TENM4: variants seen among roughly 807,000 people sequenced by gnomAD.
TENM4 encodes the protein teneurin-4.
Under a neutral mutation model 243.3 loss-of-function variants are expected in TENM4, and 82 were observed. The observed-to-expected ratio is 0.34, with a 90% CI of 0.28 to 0.40. The LOEUF is 0.40. Ranked by LOEUF, TENM4 falls within the 10% of genes least tolerant of loss-of-function variation. The pLI is 1.00. For missense variants in TENM4, 3,138 were observed against 3,673.3 expected (o/e 0.85, Z 3.77); for synonymous variants, 1,412 against 1,456.3 (o/e 0.97, Z 0.69).
At chr11:78,798,850 C>T (rs1857221720) in intron 15 of TENM4, among the ~76,000 whole-genome samples, 1 of 152,082 alleles carries the variant, frequency 6.6e-6, no homozygotes, top group Non-Finnish European at 1.5e-5. Context: ...CTCTCCCATC[C>T]CATTACTGGC....
intron 1 of TENM4, among the ~76,000 whole-genome samples, chr11:79,377,898 C>G (rs1023610728): frequency 1.3e-5 from 2 of 152,210 alleles, no homozygotes; most frequent in Non-Finnish European, 2.9e-5. Context: ...ATATTTTACT[C>G]TGCCAAGGGC....
chr11:78,714,327 G>A (rs560506795), intron 25 of TENM4, among the ~76,000 whole-genome samples: 1 of 150,198 alleles, frequency 6.7e-6, no homozygotes, highest in Non-Finnish European at 1.5e-5. Context: ...GCCCTGGCAG[G>A]TTTGTCATTA....
In TENM4 at chr11:79,112,971, C is replaced by A. The variant is rs117161551; in HGVS notation, c.-66+35739G>T. Among the ~76,000 whole-genome samples the A allele has an allele frequency of 4.6e-5, 7 of 152,228 alleles. No homozygotes were observed. The East Asian group carries it at 1.4e-3, about 29-fold the overall frequency. ...CACTTCCATCAAGCACTAACTTGTC[C>A]TAGGAGGAAGAGACACCAAAATGGG... On this transcript the variant is annotated intron_variant, in intron 4 of 33. Coordinates refer to ENST00000278550, the MANE Select transcript of TENM4 (RefSeq NM_001098816.3).
chr11:78,819,102 T>C (rs1360481444), intron 12 of TENM4, among the ~76,000 whole-genome samples: 1 of 152,098 alleles, frequency 6.6e-6, no homozygotes, highest in Non-Finnish European at 1.5e-5. Context: ...TTGAACAAAA[T>C]GTTGCTTGAA....
At chr11:78,742,847 A>G (rs751579856) in intron 19 of TENM4, among the ~76,000 whole-genome samples, 10 of 152,110 alleles carry the variant, frequency 6.6e-5, no homozygotes, top group African/African-American at 1.4e-4. Context: ...GCCAACCTCA[A>G]CTGTTGCTCA....
At chr11:79,032,157 G>A (rs1382872832) in intron 6 of TENM4, among the ~76,000 whole-genome samples, 1 of 152,170 alleles carries the variant, frequency 6.6e-6, no homozygotes, top group Non-Finnish European at 1.5e-5. Context: ...TTGTACTTTT[G>A]TTCCTTAAAA....
chr11:79,243,776 C>A (rs997347980), intron 2 of TENM4, among the ~76,000 whole-genome samples: 1 of 152,188 alleles, frequency 6.6e-6, no homozygotes, highest in Non-Finnish European at 1.5e-5. Context: ...CTAACCAAGA[C>A]GCTGAGGCTC....
chr11:78,981,224 A>G (rs1343822378), intron 6 of TENM4, among the ~76,000 whole-genome samples: 3 of 152,224 alleles, frequency 2.0e-5, no homozygotes, highest in Non-Finnish European at 4.4e-5. Context: ...TTCAAGTGTC[A>G]TCTATTATTC....
intron 2 of TENM4, among the ~76,000 whole-genome samples, chr11:79,239,047 G>A (rs1407550233): frequency 3.7e-5 from 5 of 135,100 alleles, no homozygotes; most frequent in Admixed American, 7.3e-5. Flanking sequence ...AAACAAACAC[G>A]CAAAAAGAAT....
At chr11:79,117,391 C>T (rs1565210560) in intron 4 of TENM4, among the ~76,000 whole-genome samples, 1 of 152,190 alleles carries the variant, frequency 6.6e-6, no homozygotes, top group Admixed American at 6.5e-5. Context: ...TCATGTCAAA[C>T]AATCCCAGTC....
At chr11:79,352,518 C>T (rs1857430765) in intron 1 of TENM4, among the ~76,000 whole-genome samples, 1 of 152,200 alleles carries the variant, frequency 6.6e-6, no homozygotes, top group African/African-American at 2.4e-5. Context: ...CAGAGAGAGC[C>T]ACGGAGCATG....
intron 2 of TENM4, among the ~76,000 whole-genome samples, chr11:79,233,142 G>T (rs1025422434): frequency 6.6e-6 from 1 of 152,184 alleles, no homozygotes; most frequent in Non-Finnish European, 1.5e-5. Context: ...TGAGTCAGAC[G>T]CCATGCCTTG....
At chr11:78,884,092 G>C (rs982323980) in intron 9 of TENM4, among the ~76,000 whole-genome samples, 1 of 152,148 alleles carries the variant, frequency 6.6e-6, no homozygotes, top group African/African-American at 2.4e-5. Flanking sequence ...GGTACTTCTT[G>C]TAAATTATCT....
Position 79,138,835 on chromosome 11 carries a change from C to G in TENM4, c.-66+9875G>C, listed in dbSNP as rs1333652439. Among the ~76,000 whole-genome samples, 7 of 114,104 alleles carry G rather than the reference C, an allele frequency of 6.1e-5. 1 individual carries two copies. The highest frequency in any genetic ancestry group is 2.5e-4 in the African/African-American group (7 of 28,332). 74.9% of individuals were successfully genotyped at this position (114,104 alleles called of 152,430 possible). A position where few individuals can be genotyped will look rare whatever the true frequency, so the allele number is the denominator to read the frequency against. ...TATTTATATAAATATACAAAACATACATTATATTTATATAAATATACAAAA... is the reference window on the plus strand; with the variant it reads ...TATTTATATAAATATACAAAACATAGATTATATTTATATAAATATACAAAA... On this transcript the variant is annotated intron_variant, in intron 4 of 33. Coordinates refer to ENST00000278550, the MANE Select transcript of TENM4 (RefSeq NM_001098816.3).
intron 32 of TENM4, among the ~76,000 whole-genome samples, chr11:78,662,755 TACTC>T (rs1858061723): frequency 6.6e-6 from 1 of 152,192 alleles, no homozygotes; most frequent in Non-Finnish European, 1.5e-5. Context: ...TCATCTCACA[TACTC>T]ACAACTCTGA....
intron 17 of TENM4, among the ~76,000 whole-genome samples, chr11:78,773,116 T>C (rs1007910559): frequency 6.6e-6 from 1 of 152,214 alleles, no homozygotes; most frequent in Non-Finnish European, 1.5e-5. Context: ...CCGGGACTTG[T>C]TTTCAATTAA....
intron 32 of TENM4, 133 bp downstream of exon 32, chr11:78,668,804 T>C: frequency 2.5e-6 from 3 of 1,177,078 alleles, no homozygotes; most frequent in Non-Finnish European, 3.5e-6. Context: ...AAACGGACTT[T>C]GGAAAATGCT....
chr11:79,345,775 C>A (rs1429218151), intron 1 of TENM4, among the ~76,000 whole-genome samples: 1 of 152,094 alleles, frequency 6.6e-6, no homozygotes, highest in Non-Finnish European at 1.5e-5. Context: ...TGTTATTATA[C>A]CTTACCGATA....
chr11:79,328,702 C>T (rs542666137), intron 1 of TENM4, among the ~76,000 whole-genome samples: 23 of 152,240 alleles, frequency 1.5e-4, no homozygotes, highest in African/African-American at 4.8e-4. Flanking sequence ...ACAACGTGCC[C>T]GCTTCTGTTC....
Sources: gnomAD v4.1 joint callset for allele counts (sites outside exome capture counted in the v4.1 genomes callset) on GRCh38, gnomAD v4.1.1 for gene constraint, MANE v1.5 for transcripts, NCBI Gene and HGNC (gene_info 2026-07-23, HGNC 2026-07-21) for gene names.